The following ALG14 variants were observed in gnomAD, a reference collection of about 807,000 sequenced individuals.
ALG14 encodes the protein UDP-N-acetylglucosamine transferase subunit ALG14.
Under a neutral mutation model 22.8 loss-of-function variants are expected in ALG14, and 17 were observed. The observed-to-expected ratio is 0.75, with a 90% CI of 0.51 to 1.12. The LOEUF is 1.12. Among genes scored for constraint, ALG14 ranks in the 50% most tolerant of loss-of-function variants. The pLI is 0.00. For missense variants in ALG14, 288 were observed against 271.8 expected (o/e 1.06, Z -0.42); for synonymous variants, 89 against 103.7 (o/e 0.86, Z 0.86).
chr1:95,009,096 A>G (rs1434474043), intron 3 of ALG14, among the ~76,000 whole-genome samples: 1 of 152,050 alleles, frequency 6.6e-6, no homozygotes, highest in Non-Finnish European at 1.5e-5. Flanking sequence ...ACTTGTGAAT[A>G]ATGCTGCTAT....
intron 2 of ALG14, among the ~76,000 whole-genome samples, chr1:95,038,128 A>T (rs1381614796): frequency 6.6e-6 from 1 of 152,096 alleles, no homozygotes; most frequent in African/African-American, 2.4e-5. Flanking sequence ...GATTGCCTGA[A>T]GGTCAAGAGT....
At chr1:95,062,301 A>G (rs1298185691) in intron 2 of ALG14, 1 of 152,120 alleles carries the variant, frequency 6.6e-6, no homozygotes, top group African/African-American at 2.4e-5. Flanking sequence ...TTTTCCTTCA[A>G]CTTTTAAGTT....
intron 1 of ALG14, among the ~76,000 whole-genome samples, chr1:95,072,181 T>C (rs1282749578): frequency 6.6e-6 from 1 of 152,198 alleles, no homozygotes; most frequent in Non-Finnish European, 1.5e-5. Flanking sequence ...TCTGTGTGTG[T>C]CTGTCTGTCC....
At chr1:94,994,479 C>T (rs1672859828) in intron 3 of ALG14, among the ~76,000 whole-genome samples, 1 of 152,108 alleles carries the variant, frequency 6.6e-6, no homozygotes, top group Admixed American at 6.5e-5. Flanking sequence ...CTGCCACTTG[C>T]GAGGTATAGA....
At chr1:94,986,568 G>A (rs1463278158) in intron 3 of ALG14, among the ~76,000 whole-genome samples, 1 of 151,956 alleles carries the variant, frequency 6.6e-6, no homozygotes, top group African/African-American at 2.4e-5. Context: ...TGACTCCCTG[G>A]TTCACGTGAT....
chr1:95,036,152 T>G (rs1674187006), intron 2 of ALG14, among the ~76,000 whole-genome samples: 1 of 152,130 alleles, frequency 6.6e-6, no homozygotes, highest in Non-Finnish European at 1.5e-5. Context: ...TGATATAGTT[T>G]GGTTGTGTCC....
chr1:95,067,579 T>C (rs936577479), intron 1 of ALG14: 1 of 147,088 alleles, frequency 6.8e-6, no homozygotes, highest in Non-Finnish European at 1.5e-5. Flanking sequence ...CTTTTATTGA[T>C]ACATTTTTTT....
At chr1:94,992,836 T>C (rs1425601041) in intron 3 of ALG14, among the ~76,000 whole-genome samples, 2 of 151,980 alleles carry the variant, frequency 1.3e-5, no homozygotes, top group Admixed American at 6.6e-5. Context: ...TGCTATCTGC[T>C]GGGGAGATTA....
rs781420569 is a variant in ALG14, at chr1:95,072,947, A to T, written c.-49T>A. ...AACTTCCGGGGACCAGCCGCTGTCA[A>T]AGTTCACAACTACGGGTGCCGAAGC... On this transcript the variant is annotated 5_prime_UTR_variant, in exon 1 of 4. The change creates a new upstream start codon in the 5' untranslated region. Coordinates refer to ENST00000370205, the MANE Select transcript of ALG14 (RefSeq NM_144988.4). The T allele has an allele frequency of 1.2e-6, 2 of 1,610,230 alleles. No homozygotes were observed. Among genetic ancestry groups the T allele is most frequent in the African/African-American group, 2.7e-5 (2 of 74,838 alleles).
intron 2 of ALG14, among the ~76,000 whole-genome samples, chr1:95,046,730 A>C (rs1458037415): frequency 6.6e-6 from 1 of 152,254 alleles, no homozygotes; most frequent in Non-Finnish European, 1.5e-5. Context: ...GAATAAAATA[A>C]TACTACAGCA....
intron 3 of ALG14, among the ~76,000 whole-genome samples, chr1:95,005,979 G>C (rs538217904): frequency 6.6e-6 from 1 of 152,248 alleles, no homozygotes. Flanking sequence ...TTTTTTTGCA[G>C]GTTTTATACT....
intron 3 of ALG14, among the ~76,000 whole-genome samples, chr1:95,007,602 C>T (rs947445115): frequency 3.3e-5 from 5 of 152,240 alleles, no homozygotes; most frequent in Admixed American, 1.3e-4. Context: ...CCTGCAGCAA[C>T]TTGACTGGCT....
At chr1:95,067,714 C>A (rs1015124060) in intron 1 of ALG14, among the ~76,000 whole-genome samples, 1 of 152,206 alleles carries the variant, frequency 6.6e-6, no homozygotes, top group Non-Finnish European at 1.5e-5. Context: ...TGAACAGTTT[C>A]TTGATCTGTT....
intron 2 of ALG14, among the ~76,000 whole-genome samples, chr1:95,040,429 T>C (rs1674343274): frequency 6.6e-6 from 1 of 152,198 alleles, no homozygotes; most frequent in Admixed American, 6.5e-5. Flanking sequence ...TCCCTTTTAC[T>C]TCCTTGCCAT....
chr1:95,027,318 T>C lies in ALG14; in HGVS notation c.289-58A>G, dbSNP rs1229492786. On this transcript the variant is annotated intron_variant, in intron 2 of 3. Transcript: ENST00000370205. ...GAGTCACTGATATCAAAGTTAAACA[T>C]AGTAACAATTAACAGCTGTAGAAAC... 1.1e-5 allele frequency: 17 copies of C among 1,576,336 alleles called. No homozygotes were observed. In the Admixed American group the frequency reaches 2.0e-4, roughly 19 times the overall value.
At chr1:95,049,925 T>C (rs1288123412) in intron 2 of ALG14, among the ~76,000 whole-genome samples, 1 of 152,120 alleles carries the variant, frequency 6.6e-6, no homozygotes, top group Admixed American at 6.6e-5. Context: ...AGCAAAAACA[T>C]TTAGAAATTT....
chr1:95,022,174 C>T (rs1029665612), intron 3 of ALG14: 17 of 289,594 alleles, frequency 5.9e-5, no homozygotes, highest in Admixed American at 1.3e-4. Context: ...AAAATGGAGA[C>T]GAATCAAAAC....
At chr1:94,992,674 G>T (rs1302254231) in intron 3 of ALG14, among the ~76,000 whole-genome samples, 1 of 152,124 alleles carries the variant, frequency 6.6e-6, no homozygotes, top group Non-Finnish European at 1.5e-5. Flanking sequence ...CAAAGATGCA[G>T]GGCAAGACAG....
chr1:94,984,882 C>T (rs748914998), intron 3 of ALG14, among the ~76,000 whole-genome samples: 53 of 152,230 alleles, frequency 3.5e-4, no homozygotes, highest in Non-Finnish European at 6.3e-4. Flanking sequence ...AAACATTTTA[C>T]GTGTATTACA....
Sources: allele counts gnomAD v4.1 joint callset (sites outside exome capture counted in the v4.1 genomes callset), GRCh38; gene constraint gnomAD v4.1.1; transcripts MANE v1.5; gene names NCBI Gene and HGNC (gene_info 2026-07-23, HGNC 2026-07-21).